Variants in DMD observed in about 807,000 individuals in gnomAD.
DMD encodes the protein mutant dystrophin.
Under a neutral mutation model 330.1 loss-of-function variants are expected in DMD, and 63 were observed. The observed-to-expected ratio is 0.19, with a 90% confidence interval of 0.16 to 0.24. The LOEUF (loss-of-function observed/expected upper bound fraction) is 0.24, where lower values mean the gene tolerates loss of function less well. Among genes scored for constraint, DMD ranks in the 10% least tolerant of loss-of-function variants. The probability of loss-of-function intolerance (pLI) is 1.00; values close to 1 mark genes in which losing one functional copy is unlikely to be tolerated. For synonymous variants in DMD, 1,223 were observed against 959.8 expected (o/e 1.27, Z -5.07); for missense variants, 3,344 against 2,684.1 (o/e 1.25, Z -5.43).
chrX:32,217,527 A>C (rs1484168045), intron 43 of DMD, among the ~76,000 whole-genome samples: 1 of 111,567 alleles, frequency 9.0e-6, no homozygotes, highest in Non-Finnish European at 1.9e-5. Flanking sequence ...TTGATCCAAA[A>C]CTGCCTGTTC....
intron 44 of DMD, among the ~76,000 whole-genome samples, chrX:32,185,075 A>G (rs188066796): frequency 1.8e-5 from 2 of 110,911 alleles, no homozygotes; most frequent in South Asian, 3.8e-4. Context: ...CCACTTCCTC[A>G]GTTGTACCTC....
At chrX:31,190,643 A>AT (rs1252769858) in intron 67 of DMD, among the ~76,000 whole-genome samples, 1 of 80,820 alleles carries the variant, frequency 1.2e-5, no homozygotes, top group Admixed American at 1.8e-4. Context: ...TGCTACTAGC[A>AT]TTTAGTAGAT....
intron 47 of DMD, among the ~76,000 whole-genome samples, chrX:31,922,675 A>G (rs894832531): frequency 4.4e-4 from 49 of 111,406 alleles, no homozygotes; most frequent in Non-Finnish European, 9.4e-5. Flanking sequence ...ATGGGGAAAA[A>G]AATTCCACAA....
chrX:33,324,341 G>A (rs1235586860), intron 1 of DMD, among the ~76,000 whole-genome samples: 2 of 111,135 alleles, frequency 1.8e-5, no homozygotes, highest in African/African-American at 6.5e-5. Flanking sequence ...TGAGAAGCAA[G>A]AAAGGTAGGG....
chrX:31,520,972 G>A (rs1020817059), intron 55 of DMD, among the ~76,000 whole-genome samples: 43 of 110,543 alleles, frequency 3.9e-4, no homozygotes, highest in African/African-American at 1.4e-3. Context: ...GAGCCACCGC[G>A]CCCGGCCGCA....
At chrX:31,349,754 T>A (rs2058288624) in intron 60 of DMD, among the ~76,000 whole-genome samples, 1 of 112,095 alleles carries the variant, frequency 8.9e-6, no homozygotes. Context: ...GCATCCTAGC[T>A]CTCTAACTCT....
At chrX:32,729,672 G>C (rs768652480) in intron 7 of DMD, among the ~76,000 whole-genome samples, 13 of 111,860 alleles carry the variant, frequency 1.2e-4, no homozygotes, top group Non-Finnish European at 1.5e-4. Context: ...GAGTATCATA[G>C]ATGAAGAAGT....
intron 62 of DMD, among the ~76,000 whole-genome samples, chrX:31,286,298 A>G (rs377034548): frequency 3.3e-4 from 37 of 112,386 alleles, no homozygotes; most frequent in African/African-American, 1.1e-3. Flanking sequence ...AGAAATATAA[A>G]TTATAAAGAA....
At chrX:32,274,137 G>C (rs1264823268) in intron 43 of DMD, among the ~76,000 whole-genome samples, 1 of 111,470 alleles carries the variant, frequency 9.0e-6, no homozygotes, top group Non-Finnish European at 1.9e-5. Context: ...TAGTCCTATG[G>C]ACACAAAATT....
At chrX:32,506,794 G>T (rs1393870477) in intron 18 of DMD, among the ~76,000 whole-genome samples, 1 of 111,630 alleles carries the variant, frequency 9.0e-6, no homozygotes, top group Non-Finnish European at 1.9e-5. Context: ...GAGTTGTCTT[G>T]AAATTCAGTT....
intron 44 of DMD, among the ~76,000 whole-genome samples, chrX:32,043,496 T>G (rs940437846): frequency 8.9e-6 from 1 of 112,566 alleles, no homozygotes; most frequent in Admixed American, 9.4e-5. Context: ...TTGACATGAA[T>G]AAATACAAAG....
At chrX:32,846,156 G>C (rs2080643007) in intron 3 of DMD, among the ~76,000 whole-genome samples, 1 of 111,846 alleles carries the variant, frequency 8.9e-6, no homozygotes, top group Non-Finnish European at 1.9e-5. Flanking sequence ...CAAGTACTTT[G>C]AATGCACTAC....
intron 44 of DMD, among the ~76,000 whole-genome samples, chrX:32,121,025 A>G (rs1221736272): frequency 8.9e-6 from 1 of 112,021 alleles, no homozygotes; most frequent in African/African-American, 3.2e-5. Context: ...GCATCGACTG[A>G]AATAGGTAGA....
At chrX:31,363,600 G>A (rs1361722446) in intron 60 of DMD, among the ~76,000 whole-genome samples, 2 of 110,533 alleles carry the variant, frequency 1.8e-5, no homozygotes, top group Admixed American at 1.9e-4. Context: ...GGATGGTCTT[G>A]ATCTCCTGAT....
chrX:32,528,650 A>C (rs944705905), intron 17 of DMD, among the ~76,000 whole-genome samples: 2 of 111,228 alleles, frequency 1.8e-5, no homozygotes, highest in Non-Finnish European at 3.8e-5. Context: ...TTACATCAAC[A>C]CAGACTTTAA....
chrX:31,221,930 T>C (rs1465758685), intron 64 of DMD, among the ~76,000 whole-genome samples: 11 of 110,580 alleles, frequency 9.9e-5, no homozygotes, highest in South Asian at 3.9e-4. Flanking sequence ...TGGTGGCTCA[T>C]GCCTGTAATC....
Position 33,190,504 on chromosome X carries a change from G to A in DMD, c.31+20778C>T, listed in dbSNP as rs1290300565. 2.3e-4 allele frequency among the ~76,000 whole-genome samples: 2 copies of A among 8,683 alleles called. 1 individual carries two copies. Among genetic ancestry groups the A allele is most frequent in the Non-Finnish European group, 1.5e-3 (2 of 1,322 alleles). 7.5% of individuals were successfully genotyped at this position (8,683 alleles called of 115,157 possible). On this transcript the variant is annotated intron_variant, in intron 1 of 78. Transcript: ENST00000357033. ...TTTTTTTTTTTTTTTTTTTTGAGAC[G>A]GAGTCTCGCTCTGTCGCCCAGGCCG...
At chrX:32,901,438 C>T (rs903331829) in intron 2 of DMD, among the ~76,000 whole-genome samples, 4 of 109,149 alleles carry the variant, frequency 3.7e-5, no homozygotes, top group African/African-American at 1.4e-4. Flanking sequence ...AAGCAATTTG[C>T]TATTGAGAAC....
At chrX:32,382,552 G>C (rs1349395105) in intron 33 of DMD, among the ~76,000 whole-genome samples, 1 of 110,156 alleles carries the variant, frequency 9.1e-6, no homozygotes, top group Non-Finnish European at 1.9e-5. Context: ...AGAGGTGTGC[G>C]TACATTTAGA....
Sources: allele counts gnomAD v4.1 joint callset (sites outside exome capture counted in the v4.1 genomes callset), GRCh38; gene constraint gnomAD v4.1.1; transcripts MANE v1.5; gene names NCBI Gene and HGNC (gene_info 2026-07-23, HGNC 2026-07-21).